Variants in PAN3 observed in about 807,000 individuals in gnomAD.
The protein encoded by PAN3 is poly(A) specific ribonuclease subunit PAN3.
In PAN3, 19 loss-of-function variants were observed where a neutral mutation model predicts 96.2. The ratio of observed to expected loss-of-function variants is 0.20; its 90% CI spans 0.14 to 0.29. PAN3 has a LOEUF of 0.29. Ranked by LOEUF, PAN3 falls within the 10% of genes least tolerant of loss-of-function variation. The pLI is 1.00. For missense variants in PAN3, 882 were observed against 1,108.1 expected, an observed-to-expected ratio of 0.80 and a Z score of 2.90; for synonymous variants, 433 against 406.6, an observed-to-expected ratio of 1.06 and a Z score of -0.78.
chr13:28,288,904 G>A (rs1869333846), intron 18 of PAN3, among the ~76,000 whole-genome samples: 1 of 138,898 alleles, frequency 7.2e-6, no homozygotes. Flanking sequence ...TAGGCTCACT[G>A]CAAGCTCCGC....
chr13:28,156,463 A>G (rs540961063), intron 1 of PAN3, among the ~76,000 whole-genome samples: 5 of 152,338 alleles, frequency 3.3e-5, no homozygotes, highest in African/African-American at 9.6e-5. Flanking sequence ...TTCAAAGCTG[A>G]ATTCTACCAG....
chr13:28,172,755 A>C (rs1020712900), intron 1 of PAN3, among the ~76,000 whole-genome samples: 2 of 152,162 alleles, frequency 1.3e-5, no homozygotes, highest in Admixed American at 1.3e-4. Flanking sequence ...GAAGAAGCTG[A>C]GGCAAAATTA....
intron 5 of PAN3, among the ~76,000 whole-genome samples, chr13:28,211,010 T>G (rs1291513032): frequency 6.6e-6 from 1 of 152,042 alleles, no homozygotes; most frequent in Admixed American, 6.6e-5. Flanking sequence ...GCTCAAGCAG[T>G]TCTCCTGAAT....
At chr13:28,167,412 C>T (rs1314386357) in intron 1 of PAN3, among the ~76,000 whole-genome samples, 3 of 151,972 alleles carry the variant, frequency 2.0e-5, no homozygotes, top group Non-Finnish European at 4.4e-5. Context: ...CTGCCCACGT[C>T]GGCCTCCTAA....
At chr13:28,278,117 T>C (rs1472924264) in intron 15 of PAN3, among the ~76,000 whole-genome samples, 1 of 152,248 alleles carries the variant, frequency 6.6e-6, no homozygotes, top group African/African-American at 2.4e-5. Flanking sequence ...AACAGTCTCT[T>C]TTAGCTTACA....
At chr13:28,193,772 C>T (rs1382948995) in intron 4 of PAN3, among the ~76,000 whole-genome samples, 1 of 130,728 alleles carries the variant, frequency 7.6e-6, no homozygotes, top group Non-Finnish European at 1.7e-5. Context: ...GAAACAAAAA[C>T]TAACCAAAGA....
chr13:28,166,818 C>T (rs1026024039), intron 1 of PAN3, among the ~76,000 whole-genome samples: 1 of 152,188 alleles, frequency 6.6e-6, no homozygotes, highest in African/African-American at 2.4e-5. Flanking sequence ...CCTGGCTGCA[C>T]TTGAGCCACA....
intron 6 of PAN3, among the ~76,000 whole-genome samples, chr13:28,252,910 G>A (rs1487261689): frequency 6.6e-6 from 1 of 152,124 alleles, no homozygotes; most frequent in African/African-American, 2.4e-5. Context: ...TTGATTGAGT[G>A]TCAGTTAATA....
intron 6 of PAN3, among the ~76,000 whole-genome samples, chr13:28,225,773 A>C (rs1030798970): frequency 1.3e-5 from 2 of 152,118 alleles, no homozygotes; most frequent in African/African-American, 4.8e-5. Context: ...TTCCTATATG[A>C]TAGTTCTTTT....
chr13:28,148,105 G>C (rs1377564507), intron 1 of PAN3, among the ~76,000 whole-genome samples: 2 of 151,952 alleles, frequency 1.3e-5, no homozygotes, highest in East Asian at 3.9e-4. Flanking sequence ...ACAGGCATAA[G>C]CCACCATGTC....
intron 2 of PAN3, among the ~76,000 whole-genome samples, chr13:28,174,865 A>G (rs1874760354): frequency 6.7e-6 from 1 of 149,416 alleles, no homozygotes; most frequent in Non-Finnish European, 1.5e-5. Flanking sequence ...ATATAGAAGC[A>G]TAGTGCTAGT....
chr13:28,154,405 A>C (rs1333300295), intron 1 of PAN3, among the ~76,000 whole-genome samples: 1 of 151,436 alleles, frequency 6.6e-6, no homozygotes, highest in Non-Finnish European at 1.5e-5. Context: ...TTTTCTTACT[A>C]TAGGCCTTGC....
intron 7 of PAN3, among the ~76,000 whole-genome samples, chr13:28,259,695 A>T (rs1292233468): frequency 6.6e-6 from 1 of 151,538 alleles, no homozygotes; most frequent in Non-Finnish European, 1.5e-5. Flanking sequence ...CTGGAGTACA[A>T]TGGCACAATC....
chr13:28,164,157 C>T (rs1387963800), intron 1 of PAN3, among the ~76,000 whole-genome samples: 1 of 152,100 alleles, frequency 6.6e-6, no homozygotes, highest in Non-Finnish European at 1.5e-5. Context: ...ATTATAAGTA[C>T]AATTCAGTTA....
intron 4 of PAN3, among the ~76,000 whole-genome samples, chr13:28,188,266 C>G (rs1199320522): frequency 6.6e-6 from 1 of 151,456 alleles, no homozygotes; most frequent in East Asian, 1.9e-4. Flanking sequence ...TTTGCAACCT[C>G]CTCTGACTCC....
intron 6 of PAN3, 72 bp downstream of exon 6, chr13:28,220,450 AGAACT>A (rs1881282829): frequency 6.7e-7 from 1 of 1,493,268 alleles, no homozygotes; most frequent in African/African-American, 1.4e-5. Context: ...TTAATTTATC[AGAACT>A]GAAATTGTAT....
chr13:28,269,711 G>A (rs116143799), intron 12 of PAN3, among the ~76,000 whole-genome samples: 2,468 of 152,046 alleles, frequency 0.016, 63 homozygotes, highest in African/African-American at 0.053. Context: ...ATTTGTTACC[G>A]GTCCCATTTT....
intron 6 of PAN3, 72 bp from the exon 7 acceptor site, chr13:28,256,220 A>G: frequency 6.9e-7 from 1 of 1,449,076 alleles, no homozygotes; most frequent in Non-Finnish European, 9.3e-7. Context: ...GAATGTTTGC[A>G]TTTTATTTTC....
rs1283957481 is a variant in PAN3, at chr13:28,220,287, G to T, written c.909G>T (p.Leu303=). The part of the protein sequence containing the change: ...FIPKGGSTSR[L]SNVSQSNMSA... ...CTAAAGGAGGATCAACCTCCAGGCTGAGTAACGTGTCCCAGTCAAATATGT... is the reference window on the plus strand; with the variant it reads ...CTAAAGGAGGATCAACCTCCAGGCTTAGTAACGTGTCCCAGTCAAATATGT... Residue 303 remains leucine (L), a synonymous_variant, in exon 6 of 19, where the codon CTG becomes CTT. Transcript: ENST00000380958. 1 of 1,613,902 alleles carries T rather than the reference G, an allele frequency of 6.2e-7. No individual in the cohort carries two copies. Among genetic ancestry groups the T allele is most frequent in the Non-Finnish European group, 8.5e-7 (1 of 1,179,820 alleles).
Sources: allele counts gnomAD v4.1 joint callset (sites outside exome capture counted in the v4.1 genomes callset), GRCh38; gene constraint gnomAD v4.1.1; transcripts MANE v1.5; gene names NCBI Gene and HGNC (gene_info 2026-07-23, HGNC 2026-07-21).